Variants in RPTOR observed in about 807,000 individuals in gnomAD.
The protein encoded by RPTOR is regulatory associated protein of MTOR complex 1.
In RPTOR, 21 loss-of-function variants were observed where a neutral mutation model predicts 169.9. The observed-to-expected ratio is 0.12, with a 90% confidence interval of 0.09 to 0.18. RPTOR has a LOEUF of 0.18. Ranked by LOEUF, RPTOR falls within the 10% of genes least tolerant of loss-of-function variation. The probability of loss-of-function intolerance (pLI) is 1.00; values close to 1 mark genes in which losing one functional copy is unlikely to be tolerated. For missense variants in RPTOR, 1,133 were observed against 1,855.9 expected (o/e 0.61, Z 7.16); for synonymous variants, 732 against 753.2 (o/e 0.97, Z 0.46).
chr17:80,855,204 T>G (rs551018861), intron 11 of RPTOR, among the ~76,000 whole-genome samples: 1 of 152,384 alleles, frequency 6.6e-6, no homozygotes, highest in East Asian at 1.9e-4. Context: ...GCTTTTTAAA[T>G]GCAATTAAAG....
At chr17:80,688,199 T>C (rs1186796308) in intron 3 of RPTOR, among the ~76,000 whole-genome samples, 1 of 152,224 alleles carries the variant, frequency 6.6e-6, no homozygotes, top group Non-Finnish European at 1.5e-5. Context: ...AAAGGACTTT[T>C]GATGTATTAG....
chr17:80,884,588 G>C (rs1380928995), intron 16 of RPTOR, among the ~76,000 whole-genome samples: 2 of 152,188 alleles, frequency 1.3e-5, no homozygotes, highest in Non-Finnish European at 1.5e-5. Flanking sequence ...CGCTCCCCTG[G>C]CTGAGCCCTG....
chr17:80,924,661 C>A (rs1489281019), intron 23 of RPTOR, among the ~76,000 whole-genome samples: 2 of 151,932 alleles, frequency 1.3e-5, no homozygotes, highest in Non-Finnish European at 2.9e-5. Context: ...ACCCACCCGA[C>A]CCCCCGGGGT....
chr17:80,660,962 A>C (rs2065718851), intron 3 of RPTOR, among the ~76,000 whole-genome samples: 1 of 151,924 alleles, frequency 6.6e-6, no homozygotes, highest in Admixed American at 6.6e-5. Context: ...CCCCACCCCC[A>C]GCCCAGCTGC....
At chr17:80,962,616 C>T (rs763118852) in intron 32 of RPTOR, 39 bp downstream of exon 32, 13 of 1,544,100 alleles carry the variant, frequency 8.4e-6, no homozygotes, top group South Asian at 5.6e-5. Flanking sequence ...ACCGCTCACC[C>T]GCCTCGGGCC....
At chr17:80,575,199 C>T (rs761860847) in intron 1 of RPTOR, among the ~76,000 whole-genome samples, 2 of 150,314 alleles carry the variant, frequency 1.3e-5, no homozygotes, top group Non-Finnish European at 3.0e-5. Flanking sequence ...GAGACGAGGT[C>T]TCCCTGTGTT....
At chr17:80,734,812 A>G (rs1340400791) in intron 5 of RPTOR, among the ~76,000 whole-genome samples, 2 of 152,004 alleles carry the variant, frequency 1.3e-5, no homozygotes, top group African/African-American at 4.8e-5. Flanking sequence ...ACATTCGGGG[A>G]AAAAAAATTG....
At chr17:80,665,586 C>T (rs951587229) in intron 3 of RPTOR, among the ~76,000 whole-genome samples, 1 of 149,944 alleles carries the variant, frequency 6.7e-6, no homozygotes, top group Non-Finnish European at 1.5e-5. Context: ...GTTCTGTCAC[C>T]CAGGCTGGAG....
At chr17:80,786,616 A>G (rs530273468) in intron 6 of RPTOR, among the ~76,000 whole-genome samples, 1 of 152,264 alleles carries the variant, frequency 6.6e-6, no homozygotes, top group Non-Finnish European at 1.5e-5. Flanking sequence ...GACTCCGGAG[A>G]ATGGAAGAGC....
In RPTOR at chr17:80,884,997, C is replaced by A; in HGVS notation, c.1843-11C>A. On this transcript the variant is annotated splice_polypyrimidine_tract_variant and intron_variant, in intron 16 of 33. Transcript: ENST00000306801. ...TGTGGGACATGCCTGTGACCCCCCG[C>A]CGCCTTGCAGGTCCGCTGCGCAGCG... 1.2e-6 allele frequency: 2 copies of A among 1,605,630 alleles called. No homozygotes were observed. The highest frequency in any genetic ancestry group is 1.7e-6 in the Non-Finnish European group (2 of 1,177,212).
At chr17:80,764,172 T>TATTA (rs2066763730) in intron 6 of RPTOR, among the ~76,000 whole-genome samples, 1 of 86,270 alleles carries the variant, frequency 1.2e-5, no homozygotes, top group African/African-American at 4.9e-5. Flanking sequence ...TTTATTTTAT[T>TATTA]TTATTATTAT....
intron 6 of RPTOR, among the ~76,000 whole-genome samples, chr17:80,780,627 T>G (rs2066932058): frequency 6.6e-6 from 1 of 152,164 alleles, no homozygotes; most frequent in Non-Finnish European, 1.5e-5. Context: ...ACTTTTCATT[T>G]TTGCCGTTTA....
chr17:80,946,120 C>T (rs2271612), intron 26 of RPTOR, among the ~76,000 whole-genome samples: 79,047 of 151,930 alleles, frequency 0.52, 20,889 homozygotes, highest in African/African-American at 0.56. Flanking sequence ...CAGAAGCAAG[C>T]ATGTGATAGA....
intron 3 of RPTOR, among the ~76,000 whole-genome samples, chr17:80,688,782 A>G (rs2065968158): frequency 6.6e-6 from 1 of 152,224 alleles, no homozygotes; most frequent in Non-Finnish European, 1.5e-5. Flanking sequence ...ATGTATCTCT[A>G]GGGCAGTGGC....
intron 20 of RPTOR, among the ~76,000 whole-genome samples, chr17:80,895,601 G>C (rs1167877858): frequency 1.3e-5 from 2 of 152,250 alleles, no homozygotes; most frequent in Non-Finnish European, 2.9e-5. Flanking sequence ...GTGTTCTTCA[G>C]CGTGGATACA....
chr17:80,679,044 C>T (rs1199871392), intron 3 of RPTOR, among the ~76,000 whole-genome samples: 2 of 152,260 alleles, frequency 1.3e-5, no homozygotes, highest in Non-Finnish European at 2.9e-5. Context: ...TTCACACTGT[C>T]CATTATTGAT....
At chr17:80,587,041 G>A (rs2065066695) in intron 1 of RPTOR, among the ~76,000 whole-genome samples, 1 of 152,252 alleles carries the variant, frequency 6.6e-6, no homozygotes, top group Non-Finnish European at 1.5e-5. Context: ...TGTGCTGTGT[G>A]TACAGAAGGA....
chr17:80,910,753 C>T (rs575297826), intron 21 of RPTOR, among the ~76,000 whole-genome samples: 19 of 152,094 alleles, frequency 1.2e-4, no homozygotes, highest in Admixed American at 3.9e-4. Flanking sequence ...CTGTGGCTTT[C>T]GGTTCCTTCA....
intron 11 of RPTOR, among the ~76,000 whole-genome samples, chr17:80,847,672 G>A (rs1314574830): frequency 1.3e-5 from 2 of 152,326 alleles, no homozygotes; most frequent in South Asian, 4.1e-4. Context: ...CCCCACCTCC[G>A]GGTGTGGTGC....
Sources: gnomAD v4.1 joint callset for allele counts (sites outside exome capture counted in the v4.1 genomes callset) on GRCh38, gnomAD v4.1.1 for gene constraint, MANE v1.5 for transcripts, NCBI Gene and HGNC (gene_info 2026-07-23, HGNC 2026-07-21) for gene names.